Variants in COL24A1 observed in about 807,000 individuals in gnomAD.
COL24A1 encodes the protein collagen type XXIV alpha 1 chain, also known as collagen alpha-1(XXIV) chain.
A neutral mutation model predicts 253.9 loss-of-function variants in COL24A1; 224 were observed. That is an observed-to-expected ratio of 0.88 (90% CI 0.79 to 0.99). The LOEUF is 0.99. COL24A1 is among the 50% of genes least tolerant of loss of function. The probability of loss-of-function intolerance (pLI) is 0.00; values close to 1 mark genes in which losing one functional copy is unlikely to be tolerated. For synonymous variants in COL24A1, 685 were observed against 673.7 expected, an observed-to-expected ratio of 1.02 and a Z score of -0.26; for missense variants, 2,131 against 2,068.5, an observed-to-expected ratio of 1.03 and a Z score of -0.59.
intron 24 of COL24A1, among the ~76,000 whole-genome samples, chr1:85,914,359 G>C (rs1685663281): frequency 6.8e-6 from 1 of 146,504 alleles, no homozygotes; most frequent in Non-Finnish European, 1.5e-5. Flanking sequence ...AAATATCTTT[G>C]GTTCTTTTCT....
At chr1:85,907,268 G>C in intron 27 of COL24A1, 21 bp from the exon 28 acceptor site, 1 of 1,596,684 alleles carries the variant, frequency 6.3e-7, no homozygotes, top group Non-Finnish European at 8.6e-7. Context: ...TAAATTTAAA[G>C]TCAGTTGTAG....
At chr1:86,096,646 ACCCTACTT>A (rs1255393679) in intron 5 of COL24A1, among the ~76,000 whole-genome samples, 1 of 152,014 alleles carries the variant, frequency 6.6e-6, no homozygotes, top group Non-Finnish European at 1.5e-5. Flanking sequence ...TACATAAATG[ACCCTACTT>A]CCCCTTTCTC....
In COL24A1 at chr1:85,852,809, T is replaced by C. The variant is rs1006970899; in HGVS notation, c.3301-3403A>G. ...TGAAAAAGAATGGAACCTATTTTTG[T>C]ATATTACTTTTATTTATTTATTTAG... On this transcript the variant is annotated intron_variant, in intron 37 of 59. Coordinates refer to ENST00000370571, the MANE Select transcript of COL24A1 (RefSeq NM_152890.7). 1.2e-4 allele frequency among the ~76,000 whole-genome samples: 18 copies of C among 152,304 alleles called. 1 individual carries two copies. Among genetic ancestry groups the C allele is most frequent in the African/African-American group, 4.3e-4 (18 of 41,584 alleles).
chr1:86,124,915 T>C lies in COL24A1; in HGVS notation c.1421A>G (p.Tyr474Cys). ...AAGCATTGTATTTAGATCCTCATAA[T>C]AATAATAATCATAAAGCTCAGTTTC... ...SYETELYDYY[Y>C]YEDLNTMLEM... The change falls in exon 3 of 60, where the codon TAT becomes TGT. Residue 474 changes from tyrosine to cysteine, a missense_variant. Coordinates refer to ENST00000370571, the MANE Select transcript of COL24A1 (RefSeq NM_152890.7). 6.2e-7 allele frequency: 1 copy of C among 1,611,270 alleles called. No homozygotes were observed. Among genetic ancestry groups the C allele is most frequent in the Non-Finnish European group, 8.5e-7 (1 of 1,179,064 alleles).
intron 37 of COL24A1, among the ~76,000 whole-genome samples, chr1:85,864,218 C>T (rs1490364476): frequency 6.6e-6 from 1 of 152,056 alleles, no homozygotes; most frequent in Admixed American, 6.6e-5. Context: ...TACTATGCAG[C>T]CATAAAAAAG....
chr1:85,815,599 T>G (rs1164261610), intron 47 of COL24A1, among the ~76,000 whole-genome samples: 1 of 152,142 alleles, frequency 6.6e-6, no homozygotes, highest in Non-Finnish European at 1.5e-5. Context: ...AAGTTATCAT[T>G]TCATTTTTTT....
intron 47 of COL24A1, among the ~76,000 whole-genome samples, chr1:85,802,498 G>A (rs905165144): frequency 4.0e-5 from 6 of 151,536 alleles, no homozygotes; most frequent in Admixed American, 3.3e-4. Flanking sequence ...TTATCTTTTG[G>A]TATCATCTCT....
chr1:86,117,006 T>C (rs1026559337), intron 3 of COL24A1, among the ~76,000 whole-genome samples: 9 of 152,164 alleles, frequency 5.9e-5, no homozygotes, highest in African/African-American at 2.2e-4. Flanking sequence ...TAATTAAAAA[T>C]TTAGCAGCTG....
At chr1:85,875,716 G>GACACACACACACACACACAC (rs141827930) in intron 33 of COL24A1, among the ~76,000 whole-genome samples, 1 of 141,012 alleles carries the variant, frequency 7.1e-6, no homozygotes, top group African/African-American at 2.7e-5. Flanking sequence ...CATTATAAAA[G>GACACACACACACACACACAC]ACACACACAC....
At chr1:86,028,430 T>C (rs757591753) in intron 14 of COL24A1, among the ~76,000 whole-genome samples, 7 of 152,148 alleles carry the variant, frequency 4.6e-5, no homozygotes, top group Non-Finnish European at 7.4e-5. Flanking sequence ...GTTCCCATGA[T>C]AGTAAGTGAG....
chr1:86,054,042 A>G (rs954904374), intron 10 of COL24A1, among the ~76,000 whole-genome samples: 1 of 152,132 alleles, frequency 6.6e-6, no homozygotes, highest in Admixed American at 6.6e-5. Context: ...AATAATTGGG[A>G]AAGAATACCC....
chr1:85,907,367 T>C, intron 27 of COL24A1, 120 bp from the exon 28 acceptor site: 1 of 766,510 alleles, frequency 1.3e-6, no homozygotes, highest in South Asian at 1.9e-5. Flanking sequence ...TTGATTAGTC[T>C]TCCTTAAAAA....
chr1:85,985,936 C>A (rs986964236), intron 20 of COL24A1, among the ~76,000 whole-genome samples: 1 of 151,742 alleles, frequency 6.6e-6, no homozygotes, highest in Non-Finnish European at 1.5e-5. Context: ...CAACAAATAA[C>A]TTCTATTATA....
At chr1:85,868,438 A>C in intron 37 of COL24A1, 81 bp downstream of exon 37, 1 of 904,170 alleles carries the variant, frequency 1.1e-6, no homozygotes, top group Non-Finnish European at 1.8e-6. Context: ...AGGAGGTCAG[A>C]GTGTGTGTAG....
chr1:85,887,817 A>C (rs1682687701), intron 32 of COL24A1, among the ~76,000 whole-genome samples: 2 of 152,076 alleles, frequency 1.3e-5, no homozygotes, highest in South Asian at 4.1e-4. Context: ...CTTTTCTGCC[A>C]GCGTTTTGTA....
intron 37 of COL24A1, among the ~76,000 whole-genome samples, chr1:85,861,437 A>G (rs1172026128): frequency 6.6e-6 from 1 of 152,096 alleles, no homozygotes; most frequent in African/African-American, 2.4e-5. Flanking sequence ...GTGTCCTATG[A>G]ACCAACAATC....
intron 32 of COL24A1, among the ~76,000 whole-genome samples, chr1:85,882,616 G>A (rs2102673179): frequency 6.6e-6 from 1 of 152,258 alleles, no homozygotes; most frequent in Non-Finnish European, 1.5e-5. Context: ...TTTTATAAAT[G>A]TAAATTAGAT....
At chr1:85,869,755 A>G (rs1680216238) in intron 35 of COL24A1, among the ~76,000 whole-genome samples, 1 of 152,216 alleles carries the variant, frequency 6.6e-6, no homozygotes, top group African/African-American at 2.4e-5. Context: ...GCCAAATTGT[A>G]AAGACCATCG....
At chr1:85,832,217 G>T (rs151319424) in intron 43 of COL24A1, among the ~76,000 whole-genome samples, 3,876 of 152,128 alleles carry the variant, frequency 0.025, 143 homozygotes, top group Admixed American at 0.074. Context: ...TCTCAGGTTT[G>T]TCAAAGATCA....
Sources: allele counts gnomAD v4.1 joint callset (sites outside exome capture counted in the v4.1 genomes callset), GRCh38; gene constraint gnomAD v4.1.1; transcripts MANE v1.5; gene names NCBI Gene and HGNC (gene_info 2026-07-23, HGNC 2026-07-21).